MTAP: variants seen among roughly 807,000 people sequenced by gnomAD.
MTAP encodes methylthioadenosine phosphorylase, also known as S-methyl-5'-thioadenosine phosphorylase.
Under a neutral mutation model 33.6 loss-of-function variants are expected in MTAP, and 33 were observed. The observed-to-expected ratio is 0.98, with a 90% CI of 0.74 to 1.31. MTAP has a LOEUF of 1.31. MTAP is among the 40% of genes most tolerant of loss of function. The probability of loss-of-function intolerance (pLI) is 0.00; values close to 1 mark genes in which losing one functional copy is unlikely to be tolerated. For missense variants in MTAP, 367 were observed against 360.0 expected (o/e 1.02, Z -0.16); for synonymous variants, 148 against 125.7 (o/e 1.18, Z -1.19).
chr9:21,855,721 T>G (rs1312993570), intron 6 of MTAP, among the ~76,000 whole-genome samples: 4 of 151,754 alleles, frequency 2.6e-5, no homozygotes. Context: ...AAAACAAAAC[T>G]TTAAACATCT....
intron 4 of MTAP, among the ~76,000 whole-genome samples, chr9:21,827,594 T>C (rs1563836731): frequency 6.6e-6 from 1 of 152,238 alleles, no homozygotes; most frequent in Admixed American, 6.5e-5. Context: ...ATAATGTATT[T>C]ATACCTGACA....
chr9:21,827,658 CT>C (rs1306276675), intron 4 of MTAP, among the ~76,000 whole-genome samples: 1 of 152,194 alleles, frequency 6.6e-6, no homozygotes, highest in Non-Finnish European at 1.5e-5. Flanking sequence ...AAGTCACTTT[CT>C]GCCCAGTTTG....
chr9:21,927,881 A>G (rs1288126199), intron 1 of MTAP, among the ~76,000 whole-genome samples: 1 of 152,248 alleles, frequency 6.6e-6, no homozygotes, highest in Non-Finnish European at 1.5e-5. Context: ...TACTCCTATT[A>G]CATAGAGACC....
At chr9:21,893,562 A>G (rs1402161132) in intron 1 of MTAP, 4 of 152,142 alleles carry the variant, frequency 2.6e-5, no homozygotes, top group Non-Finnish European at 2.9e-5. Flanking sequence ...AAATGACCAA[A>G]GGGACATTAC....
chr9:21,898,068 A>T (rs1163566012), intron 1 of MTAP, among the ~76,000 whole-genome samples: 2 of 152,218 alleles, frequency 1.3e-5, no homozygotes, highest in Non-Finnish European at 2.9e-5. Flanking sequence ...AGCCCGTGGA[A>T]ATAATACCAC....
chr9:21,852,803 G>A (rs186033226), intron 5 of MTAP, among the ~76,000 whole-genome samples: 1 of 151,810 alleles, frequency 6.6e-6, no homozygotes, highest in Admixed American at 6.6e-5. Context: ...ACAAATACGT[G>A]TTCCAAAAGC....
intron 1 of MTAP, among the ~76,000 whole-genome samples, chr9:21,811,217 C>T (rs1014243157): frequency 2.0e-5 from 3 of 152,090 alleles, no homozygotes; most frequent in Non-Finnish European, 2.9e-5. Flanking sequence ...GGGTTCCTTA[C>T]GGCAGTGTGC....
chr9:21,811,838 G>A, intron 1 of MTAP: 2 of 471,242 alleles, frequency 4.2e-6, no homozygotes, highest in South Asian at 1.6e-5. Context: ...CTAGATAGCA[G>A]TGTTGTTGCC....
intron 1 of MTAP, among the ~76,000 whole-genome samples, chr9:21,808,353 G>A (rs55682375): frequency 0.024 from 3,674 of 152,108 alleles, 77 homozygotes; most frequent in Non-Finnish European, 0.042. Context: ...GGGAGGCTGA[G>A]GTGGATAGAC....
At chr9:21,917,140 C>T (rs539868306) in intron 1 of MTAP, among the ~76,000 whole-genome samples, 1 of 152,294 alleles carries the variant, frequency 6.6e-6, no homozygotes, top group African/African-American at 2.4e-5. Context: ...ATGAGGAAGG[C>T]TTTGGGTGGA....
chr9:21,867,079 G>A lies in MTAP; in HGVS notation c.*5065G>A, dbSNP rs1191894173. 1 of 152,072 alleles carries A rather than the reference G, an allele frequency of 6.6e-6. No homozygotes were observed. Among genetic ancestry groups the A allele is most frequent in the East Asian group, 1.9e-4 (1 of 5,196 alleles). The allele number at this position is 152,072 out of a possible 1,614,324, so 9.4% of individuals were successfully genotyped here. A position where few individuals can be genotyped will look rare whatever the true frequency, so the allele number is the denominator to read the frequency against. On this transcript the variant is annotated 3_prime_UTR_variant, in exon 8 of 8. Transcript: ENST00000644715. ...AATCTTATTAAATTCACTTAGTTCAGTAGTAGTTCTTATTTTTATTTTATT... is the reference window on the plus strand; with the variant it reads ...AATCTTATTAAATTCACTTAGTTCAATAGTAGTTCTTATTTTTATTTTATT...
At chr9:21,812,300 C>CAGCT (rs1292415293) in intron 1 of MTAP, 4 of 214,154 alleles carry the variant, frequency 1.9e-5, no homozygotes, top group African/African-American at 9.3e-5. Flanking sequence ...TAGGTGTGGG[C>CAGCT]AGCTTTAGGG....
intron 7 of MTAP, 73 bp downstream of exon 7, chr9:21,859,498 C>A: frequency 6.7e-7 from 1 of 1,490,474 alleles, no homozygotes; most frequent in Non-Finnish European, 9.0e-7. Context: ...TTGCATTTCA[C>A]CTTTGGTCCT....
intron 5 of MTAP, among the ~76,000 whole-genome samples, chr9:21,849,893 C>T (rs997189978): frequency 2.0e-5 from 3 of 152,374 alleles, no homozygotes; most frequent in Middle Eastern, 3.4e-3. Flanking sequence ...ACCTGGTATG[C>T]AGCCATTGAC....
intron 5 of MTAP, among the ~76,000 whole-genome samples, chr9:21,839,744 G>T (rs1283396580): frequency 6.6e-6 from 1 of 152,128 alleles, no homozygotes; most frequent in East Asian, 1.9e-4. Context: ...TGTACTGATG[G>T]AATAGGACTG....
At chr9:21,938,200 G>T (rs1819072631), downstream of MTAP, among the ~76,000 whole-genome samples, 1 of 151,628 alleles carries the variant, frequency 6.6e-6, no homozygotes, top group South Asian at 2.1e-4. Context: ...CTTGAATCCG[G>T]GAGGCAGAGG....
At chr9:21,930,658 G>T in intron 1 of MTAP, 1 of 488,284 alleles carries the variant, frequency 2.0e-6, no homozygotes. Context: ...CCTCAACCAT[G>T]GCCAGAGCAA....
chr9:21,875,597 T>TG (rs927988952), intron 1 of MTAP, among the ~76,000 whole-genome samples: 2 of 152,154 alleles, frequency 1.3e-5, no homozygotes, highest in Admixed American at 6.6e-5. Context: ...TTTGTGTCTG[T>TG]GAGTTCTTAT....
chr9:21,918,209 G>C (rs1052128255), intron 1 of MTAP, among the ~76,000 whole-genome samples: 4 of 143,334 alleles, frequency 2.8e-5, no homozygotes, highest in Non-Finnish European at 5.9e-5. Flanking sequence ...AATTAGCCGG[G>C]CGTAGTGGCG....
Sources: gnomAD v4.1 joint callset for allele counts (sites outside exome capture counted in the v4.1 genomes callset) on GRCh38, gnomAD v4.1.1 for gene constraint, MANE v1.5 for transcripts, NCBI Gene and HGNC (gene_info 2026-07-23, HGNC 2026-07-21) for gene names.